NOL4: variants seen among roughly 807,000 people sequenced by gnomAD.
NOL4 encodes cancer/testis antigen 125.
A neutral mutation model predicts 75.9 loss-of-function variants in NOL4; 17 were observed. The ratio of observed to expected loss-of-function variants is 0.22; its 90% CI spans 0.15 to 0.34. The LOEUF (loss-of-function observed/expected upper bound fraction) is 0.34. NOL4 is among the 10% of genes least tolerant of loss of function. The probability of loss-of-function intolerance (pLI) is 1.00; values close to 1 mark genes in which losing one functional copy is unlikely to be tolerated. For missense variants in NOL4, 614 were observed against 793.5 expected, an observed-to-expected ratio of 0.77 and a Z score of 2.72; for synonymous variants, 292 against 289.9, an observed-to-expected ratio of 1.01 and a Z score of -0.07.
intron 10 of NOL4, among the ~76,000 whole-genome samples, chr18:33,876,913 C>G (rs1208458300): frequency 2.0e-5 from 3 of 147,202 alleles, no homozygotes; most frequent in Non-Finnish European, 4.4e-5. Flanking sequence ...AACATCACTT[C>G]CCTTGCTACC....
At chr18:34,222,962 A>G in intron 1 of NOL4, 28 bp downstream of exon 1, 1 of 1,599,622 alleles carries the variant, frequency 6.3e-7, no homozygotes, top group South Asian at 1.1e-5. Context: ...TCCGGCAGAC[A>G]AATAACAGAG....
At chr18:34,142,394 T>A (rs9304133) in intron 1 of NOL4, among the ~76,000 whole-genome samples, 2 of 151,914 alleles carry the variant, frequency 1.3e-5, no homozygotes, top group Non-Finnish European at 2.9e-5. Flanking sequence ...ATGTTTATTG[T>A]GGCACTATTC....
chr18:34,057,733 G>C (rs748268808), intron 5 of NOL4, among the ~76,000 whole-genome samples: 12 of 152,164 alleles, frequency 7.9e-5, no homozygotes, highest in Non-Finnish European at 1.8e-4. Context: ...TTGAGGGTAA[G>C]AATCATGCCT....
intron 10 of NOL4, among the ~76,000 whole-genome samples, chr18:33,857,861 CCT>C (rs1220818526): frequency 5.9e-5 from 9 of 151,996 alleles, no homozygotes; most frequent in Non-Finnish European, 1.2e-4. Flanking sequence ...TCCAAATAAC[CCT>C]CTTTGTGCTT....
chr18:34,031,864 T>C (rs907793111), intron 5 of NOL4, among the ~76,000 whole-genome samples: 2 of 152,184 alleles, frequency 1.3e-5, no homozygotes, highest in African/African-American at 4.8e-5. Flanking sequence ...TCATAGGTCC[T>C]GAAACCAACA....
At chr18:34,038,183 A>G (rs181592790) in intron 5 of NOL4, among the ~76,000 whole-genome samples, 1 of 152,302 alleles carries the variant, frequency 6.6e-6, no homozygotes, top group African/African-American at 2.4e-5. Flanking sequence ...AATCAAAACC[A>G]CAATGAGAGA....
At chr18:33,958,206 A>C (rs1383480545) in intron 7 of NOL4, 33 bp downstream of exon 7, 25 of 1,562,272 alleles carry the variant, frequency 1.6e-5, no homozygotes, top group Non-Finnish European at 2.0e-5. Flanking sequence ...AGTGGTAAAA[A>C]TTAAACCACA....
chr18:33,957,541 G>A (rs779384725), intron 7 of NOL4, 24 bp from the exon 8 acceptor site: 2 of 1,597,948 alleles, frequency 1.3e-6, no homozygotes, highest in East Asian at 4.5e-5. Flanking sequence ...GGAGACAGAG[G>A]AGAAGGGTTT....
intron 1 of NOL4, among the ~76,000 whole-genome samples, chr18:34,174,868 T>C (rs1337600549): frequency 6.6e-6 from 1 of 152,180 alleles, no homozygotes; most frequent in East Asian, 1.9e-4. Context: ...CATCCTTTTT[T>C]ATGGCTGCAT....
At chr18:33,921,761 TG>T (rs1197063951) in intron 9 of NOL4, among the ~76,000 whole-genome samples, 2 of 152,184 alleles carry the variant, frequency 1.3e-5, no homozygotes, top group Admixed American at 1.3e-4. Context: ...TTTAAATCAC[TG>T]AGTTTGTGGT....
chr18:33,926,121 G>T (rs941448094), intron 9 of NOL4, among the ~76,000 whole-genome samples: 4 of 151,806 alleles, frequency 2.6e-5, no homozygotes, highest in African/African-American at 9.7e-5. Flanking sequence ...CAGCACTCTG[G>T]GAGCCCGAGG....
chr18:34,090,167 G>C (rs942693996), intron 5 of NOL4, among the ~76,000 whole-genome samples: 3 of 152,018 alleles, frequency 2.0e-5, no homozygotes, highest in Non-Finnish European at 4.4e-5. Flanking sequence ...TTGTCAGAAG[G>C]AAGGACAGAA....
chr18:33,929,297 C>T (rs1243747487), intron 9 of NOL4, among the ~76,000 whole-genome samples: 1 of 152,138 alleles, frequency 6.6e-6, no homozygotes, highest in East Asian at 1.9e-4. Flanking sequence ...GAGCCTCTCT[C>T]ATTTGGAAAC....
chr18:34,198,686 C>CAGTA (rs1240851902), intron 1 of NOL4, among the ~76,000 whole-genome samples: 1 of 151,662 alleles, frequency 6.6e-6, no homozygotes, highest in Admixed American at 6.6e-5. Context: ...TACATTTGAC[C>CAGTA]AAGCTTCTTT....
At chr18:34,057,136 T>A (rs1285665213) in intron 5 of NOL4, among the ~76,000 whole-genome samples, 1 of 152,156 alleles carries the variant, frequency 6.6e-6, no homozygotes, top group African/African-American at 2.4e-5. Context: ...AATCATCACC[T>A]TAAAGCAGGA....
Position 34,224,033 on chromosome 18 carries a change from C to T in NOL4, c.-780G>A, listed in dbSNP as rs2037482836. 1 of 152,256 alleles carries T rather than the reference C, an allele frequency of 6.6e-6. No individual in the cohort carries two copies. Among genetic ancestry groups the T allele is most frequent in the Non-Finnish European group, 1.5e-5 (1 of 68,044 alleles). The allele number at this position is 152,256 out of a possible 1,614,324, so 9.4% of individuals were successfully genotyped here. On this transcript the variant is annotated 5_prime_UTR_variant, in exon 1 of 11. Coordinates refer to ENST00000261592, the MANE Select transcript of NOL4 (RefSeq NM_003787.5). ...TAAATTCCAGCCCTGTATGTAGATT[C>T]TACGAGTTAAGTCCCAGAAATTAGC... is the stretch of plus-strand genomic sequence containing the variant.
chr18:33,969,246 A>G (rs570568876), intron 6 of NOL4, among the ~76,000 whole-genome samples: 1 of 152,244 alleles, frequency 6.6e-6, no homozygotes, highest in Non-Finnish European at 1.5e-5. Flanking sequence ...ATTCCTCTTC[A>G]TTAATTCTAT....
intron 6 of NOL4, among the ~76,000 whole-genome samples, chr18:33,983,416 T>C (rs116813862): frequency 6.6e-6 from 1 of 151,790 alleles, no homozygotes; most frequent in Non-Finnish European, 1.5e-5. Flanking sequence ...AGTAGAAGAG[T>C]TGGTATGTGC....
At chr18:33,862,483 AAC>A (rs2063197615) in intron 10 of NOL4, among the ~76,000 whole-genome samples, 1 of 152,158 alleles carries the variant, frequency 6.6e-6, no homozygotes, top group South Asian at 2.1e-4. Context: ...GTGAACCGGC[AAC>A]GCACAAAATG....
Sources: gnomAD v4.1 joint callset for allele counts (sites outside exome capture counted in the v4.1 genomes callset) on GRCh38, gnomAD v4.1.1 for gene constraint, MANE v1.5 for transcripts, NCBI Gene and HGNC (gene_info 2026-07-23, HGNC 2026-07-21) for gene names.